The following CARMIL1 variants were observed in gnomAD, a reference collection of about 807,000 sequenced individuals.
CARMIL1 encodes F-actin-uncapping protein LRRC16A.
In CARMIL1, 90 loss-of-function variants were observed where a neutral mutation model predicts 177.1. The ratio of observed to expected loss-of-function variants is 0.51; its 90% CI spans 0.43 to 0.61. CARMIL1 has a LOEUF of 0.61. Among genes scored for constraint, CARMIL1 ranks in the 20% least tolerant of loss-of-function variants. The pLI, the probability that CARMIL1 is intolerant of heterozygous loss-of-function variation, is 0.00. For missense variants in CARMIL1, 1,380 were observed against 1,667.0 expected (o/e 0.83, Z 3.00); for synonymous variants, 577 against 606.2 (o/e 0.95, Z 0.71).
At chr6:25,330,688 TA>T (rs145205834) in intron 2 of CARMIL1, among the ~76,000 whole-genome samples, 24,322 of 142,426 alleles carry the variant, frequency 0.17, 2,409 homozygotes, top group East Asian at 0.39. Context: ...CCATCTCTAT[TA>T]AAAAAAAAAA....
chr6:25,451,995 T>TTC (rs1798988109), intron 8 of CARMIL1: 1 of 140,486 alleles, frequency 7.1e-6, no homozygotes, highest in South Asian at 5.7e-5. Flanking sequence ...TGCCCCCCCC[T>TTC]CCCCCCCCCA....
intron 2 of CARMIL1, chr6:25,389,028 G>A (rs945998673): frequency 2.6e-5 from 4 of 152,224 alleles, no homozygotes; most frequent in Non-Finnish European, 4.4e-5. Context: ...ACTGCCCTAA[G>A]GGGAATTAGC....
intron 29 of CARMIL1, among the ~76,000 whole-genome samples, chr6:25,562,480 C>T (rs1431369784): frequency 6.6e-6 from 1 of 152,152 alleles, no homozygotes; most frequent in African/African-American, 2.4e-5. Context: ...AACTCCTGAC[C>T]TCATGATCCA....
intron 25 of CARMIL1, 23 bp downstream of exon 25, chr6:25,538,006 TGA>T (rs1462873186): frequency 1.9e-6 from 3 of 1,584,496 alleles, no homozygotes; most frequent in Non-Finnish European, 2.6e-6. Flanking sequence ...TCAGGCTGTG[TGA>T]GAGTCTGGTA....
intron 16 of CARMIL1, among the ~76,000 whole-genome samples, chr6:25,496,626 T>C (rs1428118902): frequency 6.6e-6 from 1 of 152,194 alleles, no homozygotes. Context: ...TTTGGCCGTT[T>C]GTATGGATAT....
intron 24 of CARMIL1, among the ~76,000 whole-genome samples, chr6:25,536,211 A>G (rs1244747191): frequency 1.3e-5 from 2 of 152,174 alleles, no homozygotes; most frequent in Non-Finnish European, 2.9e-5. Context: ...TGAATTATTA[A>G]TGACCCTTTT....
At chr6:25,502,604 A>T (rs1401367381) in intron 17 of CARMIL1, among the ~76,000 whole-genome samples, 1 of 152,084 alleles carries the variant, frequency 6.6e-6, no homozygotes, top group Non-Finnish European at 1.5e-5. Context: ...ATCAGATCAA[A>T]CTACTAAATT....
chr6:25,610,275 C>A, intron 36 of CARMIL1, 94 bp downstream of exon 36: 1 of 1,354,334 alleles, frequency 7.4e-7, no homozygotes, highest in Non-Finnish European at 9.7e-7. Flanking sequence ...TTACTAATAT[C>A]TTAGAGTTTG....
intron 2 of CARMIL1, among the ~76,000 whole-genome samples, chr6:25,384,694 C>A (rs1028028306): frequency 6.6e-6 from 1 of 152,206 alleles, no homozygotes. Context: ...TAGCTTCTAC[C>A]TCATTGCCTC....
intron 23 of CARMIL1, among the ~76,000 whole-genome samples, chr6:25,523,720 A>G (rs1323944405): frequency 6.6e-6 from 1 of 152,226 alleles, no homozygotes; most frequent in African/African-American, 2.4e-5. Flanking sequence ...TAGATCTGTC[A>G]AAGAACTTAA....
chr6:25,539,625 CAAAAAAAAAAAAAAA>C (rs11304932), intron 25 of CARMIL1, among the ~76,000 whole-genome samples: 4 of 55,738 alleles, frequency 7.2e-5, no homozygotes, highest in Non-Finnish European at 9.4e-5. Context: ...AACTCCATCT[CAAAAAAAAAAAAAAA>C]AAAAAAAAAA....
At chr6:25,420,302 A>G (rs151173488) in intron 3 of CARMIL1, 138 bp downstream of exon 3, 31 of 810,974 alleles carry the variant, frequency 3.8e-5, no homozygotes, top group African/African-American at 3.0e-4. Context: ...CCTCACTTAC[A>G]TAGACTTTTG....
intron 23 of CARMIL1, among the ~76,000 whole-genome samples, chr6:25,522,410 AG>A (rs1459526687): frequency 6.6e-6 from 1 of 152,196 alleles, no homozygotes; most frequent in Non-Finnish European, 1.5e-5. Context: ...ACCTGTCTCA[AG>A]GAACTCGTTA....
chr6:25,430,074 G>A (rs1796613663), intron 4 of CARMIL1, among the ~76,000 whole-genome samples: 1 of 152,034 alleles, frequency 6.6e-6, no homozygotes, highest in African/African-American at 2.4e-5. Context: ...TCAATCTCCT[G>A]ACCTTGTGAT....
chr6:25,464,838 C>T (rs1162313488), intron 8 of CARMIL1, among the ~76,000 whole-genome samples: 1 of 152,014 alleles, frequency 6.6e-6, no homozygotes, highest in African/African-American at 2.4e-5. Context: ...CTGAACAGAG[C>T]AGTAAAAGAT....
intron 16 of CARMIL1, 138 bp from the exon 17 acceptor site, chr6:25,500,028 G>T (rs1163104128): frequency 2.9e-6 from 2 of 682,232 alleles, no homozygotes; most frequent in African/African-American, 1.8e-5. Flanking sequence ...ATTTTAAAAA[G>T]TAAGAGGGTG....
chr6:25,442,644 TG>T (rs1355365061), intron 5 of CARMIL1, among the ~76,000 whole-genome samples: 1 of 152,184 alleles, frequency 6.6e-6, no homozygotes, highest in Non-Finnish European at 1.5e-5. Context: ...TCCTACCTTC[TG>T]GAAATTTAGT....
rs557284740 is a variant in CARMIL1 at position 25,450,087 on chromosome 6, G to T, written c.469+92G>T. 121 of 1,080,072 alleles carry T rather than the reference G, an allele frequency of 1.1e-4. 1 individual carries two copies. The Middle Eastern group carries it at 1.2e-3, about 11-fold the overall frequency. The allele number at this position is 1,080,072 out of a possible 1,614,324, so 66.9% of individuals were successfully genotyped here. ...TCTATTCCTAGTGTGCTACTGTAAA[G>T]GTGCAATTAGTTTCAAGGTGTAATT... On this transcript the variant is annotated intron_variant, in intron 6 of 36. Transcript: ENST00000329474.
At chr6:25,392,732 T>C (rs1044832568) in intron 2 of CARMIL1, among the ~76,000 whole-genome samples, 5 of 152,190 alleles carry the variant, frequency 3.3e-5, no homozygotes, top group African/African-American at 9.7e-5. Flanking sequence ...AGGAAATATA[T>C]TGATTTAGTT....
Sources: allele counts gnomAD v4.1 joint callset (sites outside exome capture counted in the v4.1 genomes callset), GRCh38; gene constraint gnomAD v4.1.1; transcripts MANE v1.5; gene names NCBI Gene and HGNC (gene_info 2026-07-23, HGNC 2026-07-21).